MMUT: variants seen among roughly 807,000 people sequenced by gnomAD.
The protein encoded by MMUT is methylmalonyl-CoA mutase.
MMUT carries 79 observed loss-of-function variants against 79.9 expected under a neutral mutation model. The observed-to-expected ratio is 0.99, with a 90% CI of 0.82 to 1.19. The LOEUF is 1.19. Among genes scored for constraint, MMUT ranks in the 50% most tolerant of loss-of-function variants. The pLI is 0.00. For synonymous variants in MMUT, 273 were observed against 295.7 expected, an observed-to-expected ratio of 0.92 and a Z score of 0.79; for missense variants, 860 against 917.2, an observed-to-expected ratio of 0.94 and a Z score of 0.81.
intron 5 of MMUT, among the ~76,000 whole-genome samples, chr6:49,453,233 T>G (rs6458693): frequency 0.37 from 55,402 of 151,244 alleles, 10,355 homozygotes; most frequent in African/African-American, 0.42. Flanking sequence ...TAGAGGTAGG[T>G]TTTTGCCAGG....
At chr6:49,445,886 T>C (rs889675649) in intron 8 of MMUT, among the ~76,000 whole-genome samples, 13 of 151,872 alleles carry the variant, frequency 8.6e-5, no homozygotes, top group African/African-American at 3.1e-4. Context: ...TATCTTTTAT[T>C]GGAGAAAGAA....
At chr6:49,444,014 A>G (rs978808268) in intron 9 of MMUT, among the ~76,000 whole-genome samples, 4 of 152,194 alleles carry the variant, frequency 2.6e-5, no homozygotes, top group African/African-American at 9.6e-5. Flanking sequence ...TCAGACAAAG[A>G]GGAGGTCTCT....
At chr6:49,461,479 A>G (rs916837991) in intron 1 of MMUT, among the ~76,000 whole-genome samples, 5 of 152,194 alleles carry the variant, frequency 3.3e-5, no homozygotes, top group African/African-American at 1.2e-4. Context: ...TGGAAACATA[A>G]CAAAAAAGGC....
Position 49,449,112 on chromosome 6 carries a change from T to C in MMUT, c.1333-185A>G, listed in dbSNP as rs4715130. Reference sequence around the variant, plus strand: ...TAATTAGAATTTGTGTGTTTATAGTTACTTGAAAAGACAACTAACAAGTAT... The same window carrying C: ...TAATTAGAATTTGTGTGTTTATAGTCACTTGAAAAGACAACTAACAAGTAT... On this transcript the variant is annotated intron_variant, in intron 6 of 12. Transcript: ENST00000274813. 0.3 allele frequency among the ~76,000 whole-genome samples: 45,866 copies of C among 151,942 alleles called. 7,452 individuals are homozygous for C. The highest frequency in any genetic ancestry group is 0.37 in the South Asian group (1,788 of 4,820).
rs879253844 is a variant in MMUT at position 49,447,741 on chromosome 6, C to A, written c.1489G>T (p.Glu497Ter). ...ATTGCCAGAACTTCTACAGCGTCTTCTTTTTCCAACTGGTACTTATTTACT... is the reference window on the plus strand; with the variant it reads ...ATTGCCAGAACTTCTACAGCGTCTTATTTTTCCAACTGGTACTTATTTACT... ...VGVNKYQLEK[E>*]DAVEVLAIDN... The change falls in exon 8 of 13, where the codon GAA becomes TAA. Residue 497 changes from glutamate to a stop codon, truncating the protein, a stop_gained. Transcript: ENST00000274813. LOFTEE classifies it high-confidence loss of function. 1 of 1,611,304 alleles carries A rather than the reference C, an allele frequency of 6.2e-7. No individual in the cohort carries two copies. Among genetic ancestry groups the A allele is most frequent in the South Asian group, 1.1e-5 (1 of 91,006 alleles).
At chr6:49,449,584 C>T (rs941693392) in intron 6 of MMUT, among the ~76,000 whole-genome samples, 5 of 151,974 alleles carry the variant, frequency 3.3e-5, no homozygotes, top group African/African-American at 1.2e-4. Context: ...AAAATGAACT[C>T]GAGACACAAT....
chr6:49,432,760 G>A (rs1312819168), intron 12 of MMUT, among the ~76,000 whole-genome samples: 1 of 152,108 alleles, frequency 6.6e-6, no homozygotes, highest in Non-Finnish European at 1.5e-5. Flanking sequence ...CAGGATTTAG[G>A]CTGTTATAAC....
intron 3 of MMUT, 68 bp from the exon 4 acceptor site, chr6:49,456,305 T>C: frequency 9.3e-7 from 1 of 1,076,384 alleles, no homozygotes; most frequent in Non-Finnish European, 1.4e-6. Context: ...AAATCCACTT[T>C]CTAAGCATAA....
At chr6:49,446,317 G>A (rs1403368229) in intron 8 of MMUT, among the ~76,000 whole-genome samples, 1 of 151,910 alleles carries the variant, frequency 6.6e-6, no homozygotes, top group Admixed American at 6.6e-5. Context: ...ACTAAAGAGA[G>A]CTCAGAGTAT....
In MMUT at chr6:49,457,824, C is replaced by A. The variant is rs144034003; in HGVS notation, c.620G>T (p.Gly207Val). ...ACCAGTAAGCTTCTCTTTAGGTACA[C>A]CTTGTTCTTCTCCAGTTACTATAAA... The part of the protein sequence containing the change: ...ANFIVTGEEQ[G>V]VPKEKLTGTI... Residue 207 changes from glycine to valine, a missense_variant, in exon 3 of 13, where the codon GGT becomes GTT. Physicochemically the swap from Gly to Val is moderately radical, Grantham distance 109. Transcript: ENST00000274813. 9 of 1,613,510 alleles carry A rather than the reference C, an allele frequency of 5.6e-6. No individual in the cohort carries two copies. The highest frequency in any genetic ancestry group is 2.7e-5 in the African/African-American group (2 of 74,872).
At chr6:49,443,851 C>T in intron 9 of MMUT, 1 of 405,908 alleles carries the variant, frequency 2.5e-6, no homozygotes. Context: ...CTGTTTTTCA[C>T]TCAGCCTTTT....
chr6:49,460,988 T>C (rs1460166653), intron 1 of MMUT, among the ~76,000 whole-genome samples: 2 of 152,188 alleles, frequency 1.3e-5, no homozygotes, highest in African/African-American at 4.8e-5. Context: ...TAGTAATATA[T>C]AAAATAGATG....
At chr6:49,434,425 TC>T (rs1767071616) in intron 12 of MMUT, among the ~76,000 whole-genome samples, 1 of 152,188 alleles carries the variant, frequency 6.6e-6, no homozygotes, top group Non-Finnish European at 1.5e-5. Flanking sequence ...TATTCTATAT[TC>T]TGAGTATTAA....
At chr6:49,445,274 G>T (rs986868155) in intron 8 of MMUT, among the ~76,000 whole-genome samples, 2 of 151,990 alleles carry the variant, frequency 1.3e-5, no homozygotes, top group African/African-American at 4.8e-5. Context: ...CTAAGAAAAA[G>T]ATATACAATG....
At chr6:49,455,522 T>A (rs555427267) in intron 4 of MMUT, among the ~76,000 whole-genome samples, 21 of 152,322 alleles carry the variant, frequency 1.4e-4, no homozygotes, top group African/African-American at 4.8e-4. Flanking sequence ...TGTCAGCATA[T>A]AGGCTAGTGT....
chr6:49,430,579 A>G lies in MMUT; in HGVS notation c.*1149T>C, dbSNP rs911905011. ...TCAGATAATCATATTCTGAAAATTA[A>G]ATACATTGTATTACAATGAGTTTGT... On this transcript the variant is annotated 3_prime_UTR_variant, in exon 13 of 13. Transcript: ENST00000274813. 1 of 151,732 alleles carries G rather than the reference A, an allele frequency of 6.6e-6. No individual in the cohort carries two copies. Among genetic ancestry groups the G allele is most frequent in the African/African-American group, 2.4e-5 (1 of 41,224 alleles). The allele number at this position is 151,732 out of a possible 1,614,324, so 9.4% of individuals were successfully genotyped here.
chr6:49,458,388 C>G (rs901900038), intron 2 of MMUT, among the ~76,000 whole-genome samples: 6 of 152,166 alleles, frequency 3.9e-5, no homozygotes, highest in African/African-American at 1.2e-4. Context: ...ATGAAAAGAT[C>G]TGGCTGTTCA....
intron 2 of MMUT, 117 bp downstream of exon 2, chr6:49,458,965 C>A: frequency 9.3e-7 from 1 of 1,075,806 alleles, no homozygotes; most frequent in Non-Finnish European, 1.3e-6. Context: ...AGAGTATAGT[C>A]TTTAACTACA....
At chr6:49,448,786 T>G (rs917628832) in intron 7 of MMUT, 30 bp downstream of exon 7, 5 of 1,502,326 alleles carry the variant, frequency 3.3e-6, no homozygotes, top group Non-Finnish European at 4.6e-6. Flanking sequence ...AACTACTGGA[T>G]TTCATATATG....
Sources: allele counts gnomAD v4.1 joint callset (sites outside exome capture counted in the v4.1 genomes callset), GRCh38; gene constraint gnomAD v4.1.1; transcripts MANE v1.5; gene names NCBI Gene and HGNC (gene_info 2026-07-23, HGNC 2026-07-21).